Variants in TESK2 observed in about 807,000 individuals in gnomAD.
TESK2 encodes the protein testis associated actin remodelling kinase 2.
In TESK2, 39 loss-of-function variants were observed where a neutral mutation model predicts 57.1. The ratio of observed to expected loss-of-function variants is 0.68; its 90% CI spans 0.53 to 0.89. The LOEUF is 0.89. Ranked by LOEUF, TESK2 falls within the 40% of genes least tolerant of loss-of-function variation. The pLI, the probability that TESK2 is intolerant of heterozygous loss-of-function variation, is 0.00. For synonymous variants in TESK2, 249 were observed against 267.9 expected, an observed-to-expected ratio of 0.93 and a Z score of 0.69; for missense variants, 646 against 732.1, an observed-to-expected ratio of 0.88 and a Z score of 1.36.
At chr1:45,438,293 C>T (rs1406085572) in intron 2 of TESK2, among the ~76,000 whole-genome samples, 1 of 151,994 alleles carries the variant, frequency 6.6e-6, no homozygotes, top group Non-Finnish European at 1.5e-5. Flanking sequence ...GTCAGGAGTT[C>T]GAGACCAACC....
At chr1:45,347,511 C>T (rs1308036445) in intron 7 of TESK2, 98 bp downstream of exon 7, 12 of 1,134,396 alleles carry the variant, frequency 1.1e-5, no homozygotes, top group African/African-American at 3.1e-5. Context: ...AAGCCGAGAT[C>T]GTGCCACTGC....
At chr1:45,416,295 C>T (rs528613941) in intron 3 of TESK2, among the ~76,000 whole-genome samples, 1 of 151,250 alleles carries the variant, frequency 6.6e-6, no homozygotes, top group South Asian at 2.1e-4. Context: ...CTACAAAAAC[C>T]ATGTTTTCTC....
At chr1:45,430,376 A>G (rs1691218) in intron 2 of TESK2, among the ~76,000 whole-genome samples, 32,531 of 152,132 alleles carry the variant, frequency 0.21, 3,716 homozygotes, top group Non-Finnish European at 0.26. Flanking sequence ...CTGTGGTCCC[A>G]GCTACTCAGG....
chr1:45,434,166 G>A (rs1316619243), intron 2 of TESK2, among the ~76,000 whole-genome samples: 1 of 151,972 alleles, frequency 6.6e-6, no homozygotes, highest in Non-Finnish European at 1.5e-5. Flanking sequence ...GTTAATTTTT[G>A]TATTTTTGGT....
At chr1:45,348,038 C>G (rs765734578) in intron 5 of TESK2, 38 bp from the exon 6 acceptor site, 68 of 1,388,214 alleles carry the variant, frequency 4.9e-5, no homozygotes, top group Middle Eastern at 1.8e-4. Flanking sequence ...TAATGTGGCT[C>G]AGAAGCGGGG....
intron 4 of TESK2, among the ~76,000 whole-genome samples, chr1:45,364,921 A>G (rs1395150408): frequency 6.6e-6 from 1 of 152,220 alleles, no homozygotes. Flanking sequence ...ACCAGTATCA[A>G]TGTCAAACAG....
intron 3 of TESK2, among the ~76,000 whole-genome samples, chr1:45,387,613 C>T (rs1036738974): frequency 5.3e-5 from 8 of 152,088 alleles, no homozygotes; most frequent in African/African-American, 1.9e-4. Context: ...AACCTAACAC[C>T]ACCTAGTAAA....
chr1:45,392,955 A>G (rs1301834021), intron 3 of TESK2, among the ~76,000 whole-genome samples: 1 of 152,222 alleles, frequency 6.6e-6, no homozygotes, highest in African/African-American at 2.4e-5. Context: ...AGAAGCAATA[A>G]TTACCAAATT....
intron 2 of TESK2, among the ~76,000 whole-genome samples, chr1:45,438,833 G>A (rs1281924646): frequency 2.6e-5 from 4 of 152,104 alleles, no homozygotes; most frequent in East Asian, 1.9e-4. Context: ...GGCATACAGA[G>A]AAATAAACAC....
intron 4 of TESK2, among the ~76,000 whole-genome samples, chr1:45,375,031 T>G (rs901396290): frequency 6.6e-6 from 1 of 152,192 alleles, no homozygotes; most frequent in Non-Finnish European, 1.5e-5. Flanking sequence ...AACTCTCACC[T>G]TTTTTGCAGT....
intron 2 of TESK2, among the ~76,000 whole-genome samples, chr1:45,442,171 G>C (rs12048023): frequency 0.19 from 28,826 of 151,880 alleles, 3,190 homozygotes; most frequent in Non-Finnish European, 0.26. Flanking sequence ...CCCAACCTCA[G>C]GTGATCCACC....
intron 4 of TESK2, among the ~76,000 whole-genome samples, chr1:45,356,489 G>A (rs938026024): frequency 2.0e-5 from 3 of 151,988 alleles, no homozygotes; most frequent in Non-Finnish European, 2.9e-5. Flanking sequence ...TTAGCTGGAC[G>A]TGATGGTGCA....
intron 4 of TESK2, among the ~76,000 whole-genome samples, chr1:45,379,483 T>C (rs1648563753): frequency 6.6e-6 from 1 of 152,144 alleles, no homozygotes. Flanking sequence ...TGCTCATTTT[T>C]ATAAATAACG....
intron 4 of TESK2, among the ~76,000 whole-genome samples, chr1:45,377,614 T>C (rs1437935342): frequency 6.6e-6 from 1 of 151,030 alleles, no homozygotes; most frequent in Non-Finnish European, 1.5e-5. Flanking sequence ...AGACAGGGTT[T>C]CACCATGTTG....
At chr1:45,488,954 G>A (rs1653599952) in intron 1 of TESK2, among the ~76,000 whole-genome samples, 1 of 152,048 alleles carries the variant, frequency 6.6e-6, no homozygotes, top group African/African-American at 2.4e-5. Context: ...TTTGAGCTCA[G>A]GAGTTCGAGA....
In TESK2 at chr1:45,345,441, A is replaced by C; in HGVS notation, c.1115T>G (p.Phe372Cys). 2 of 1,614,106 alleles carry C rather than the reference A, an allele frequency of 1.2e-6. No individual in the cohort carries two copies. Among genetic ancestry groups the C allele is most frequent in the Non-Finnish European group, 8.5e-7 (1 of 1,180,022 alleles). ...IWLSRSQSDI[F>C]SRKPPRTVSV... Reference sequence around the variant, plus strand: ...CACTGTACGTGGGGGCTTACGGGAAAAGATATCTGACTGGCTTCGAGACAG... The same window carrying C: ...CACTGTACGTGGGGGCTTACGGGAACAGATATCTGACTGGCTTCGAGACAG... The change falls in exon 11 of 11, where the codon TTT becomes TGT. Residue 372 changes from phenylalanine (F) to cysteine (C), a missense_variant. Physicochemically the swap from Phe to Cys is radical, Grantham distance 205. Transcript: ENST00000372086.
chr1:45,418,626 G>A (rs558857446), intron 3 of TESK2, among the ~76,000 whole-genome samples: 7 of 152,160 alleles, frequency 4.6e-5, no homozygotes, highest in Non-Finnish European at 1.0e-4. Flanking sequence ...GAGAGTGAGT[G>A]TGAAGATGAA....
intron 1 of TESK2, among the ~76,000 whole-genome samples, chr1:45,478,211 T>C (rs1198117522): frequency 6.6e-6 from 1 of 152,226 alleles, no homozygotes; most frequent in Admixed American, 6.5e-5. Context: ...TCTTTCTCCC[T>C]GGTGTGTTCT....
intron 4 of TESK2, among the ~76,000 whole-genome samples, chr1:45,385,520 C>G (rs974090507): frequency 9.9e-5 from 15 of 152,050 alleles, no homozygotes; most frequent in African/African-American, 3.4e-4. Context: ...AGTTTGCAGT[C>G]AAGTGCTGTC....
Sources: gnomAD v4.1 joint callset for allele counts (sites outside exome capture counted in the v4.1 genomes callset) on GRCh38, gnomAD v4.1.1 for gene constraint, MANE v1.5 for transcripts, NCBI Gene and HGNC (gene_info 2026-07-23, HGNC 2026-07-21) for gene names.